Variants in HCRTR2 observed in about 807,000 individuals in gnomAD.
HCRTR2 encodes the protein orexin receptor type 2.
In HCRTR2, 22 loss-of-function variants were observed where a neutral mutation model predicts 49.0. That is an observed-to-expected ratio of 0.45 (90% CI 0.32 to 0.64). The LOEUF (loss-of-function observed/expected upper bound fraction) is 0.64. HCRTR2 is among the 30% of genes least tolerant of loss of function. HCRTR2 has a pLI of 0.04. For missense variants in HCRTR2, 491 were observed against 559.4 expected (o/e 0.88, Z 1.23); for synonymous variants, 236 against 205.3 (o/e 1.15, Z -1.28).
intron 2 of HCRTR2, among the ~76,000 whole-genome samples, chr6:55,252,806 A>G (rs1766577337): frequency 1.3e-5 from 2 of 152,092 alleles, no homozygotes; most frequent in African/African-American, 4.8e-5. Context: ...CTGAAAAGCA[A>G]TCTGTTCCAA....
intron 1 of HCRTR2, among the ~76,000 whole-genome samples, chr6:55,198,624 T>C (rs1323783391): frequency 6.6e-6 from 1 of 152,204 alleles, no homozygotes; most frequent in Non-Finnish European, 1.5e-5. Context: ...GGATAATGAA[T>C]CAGAAAATAG....
chr6:55,162,050 T>A (rs950393233), intron 1 of HCRTR2, among the ~76,000 whole-genome samples: 1 of 151,860 alleles, frequency 6.6e-6, no homozygotes, highest in Non-Finnish European at 1.5e-5. Context: ...AATTTCAGGC[T>A]AATATATCCC....
At chr6:55,231,555 T>G (rs1439037730) in intron 1 of HCRTR2, among the ~76,000 whole-genome samples, 1 of 152,136 alleles carries the variant, frequency 6.6e-6, no homozygotes, top group Admixed American at 6.6e-5. Context: ...AAAGTAAAAA[T>G]CTGCTTTGTG....
In HCRTR2 at chr6:55,221,542, G is replaced by A. The variant is rs150713458; in HGVS notation, c.224-27097G>A. 7.0e-3 allele frequency among the ~76,000 whole-genome samples: 1,069 copies of A among 152,234 alleles called. 11 individuals carry two copies. The highest frequency in any genetic ancestry group is 0.022 in the African/African-American group (902 of 41,552). On this transcript the variant is annotated intron_variant, in intron 1 of 6. Coordinates refer to ENST00000370862, the MANE Select transcript of HCRTR2 (RefSeq NM_001384272.1). ...AAAATTAAAGATCTGGGCCGGGCGT[G>A]GTGGCTCACGCCTGTAATCCCAGCA...
At chr6:55,120,535 A>T (rs903478664) in intron 1 of HCRTR2, among the ~76,000 whole-genome samples, 2 of 151,108 alleles carry the variant, frequency 1.3e-5, no homozygotes, top group Admixed American at 6.6e-5. Flanking sequence ...ATGGGAGTTC[A>T]CTCATGATTT....
intron 6 of HCRTR2, among the ~76,000 whole-genome samples, chr6:55,281,867 T>C (rs987026400): frequency 2.0e-4 from 30 of 152,200 alleles, no homozygotes; most frequent in African/African-American, 6.3e-4. Flanking sequence ...AGTTTCATTG[T>C]GTTTAATTAT....
At chr6:55,187,156 C>T (rs766382765) in intron 1 of HCRTR2, among the ~76,000 whole-genome samples, 3 of 151,816 alleles carry the variant, frequency 2.0e-5, no homozygotes, top group Non-Finnish European at 4.4e-5. Flanking sequence ...CCTGTAATCC[C>T]AGCACTTTGG....
intron 1 of HCRTR2, among the ~76,000 whole-genome samples, chr6:55,164,554 C>G (rs571925897): frequency 6.6e-6 from 1 of 152,120 alleles, no homozygotes; most frequent in Non-Finnish European, 1.5e-5. Context: ...TATTCTCACT[C>G]ATAAGTGGGA....
intron 1 of HCRTR2, among the ~76,000 whole-genome samples, chr6:55,121,954 G>T (rs959637272): frequency 6.6e-6 from 1 of 152,110 alleles, no homozygotes; most frequent in Admixed American, 6.6e-5. Flanking sequence ...CCAAGTTTTG[G>T]TATCAGGATG....
chr6:55,218,832 TC>T (rs1263342856), intron 1 of HCRTR2, among the ~76,000 whole-genome samples: 1 of 152,174 alleles, frequency 6.6e-6, no homozygotes, highest in Non-Finnish European at 1.5e-5. Context: ...TTCTCAGCTT[TC>T]TTTTTCTAGA....
chr6:55,173,701 A>G (rs997702587), upstream of HCRTR2, among the ~76,000 whole-genome samples: 1 of 152,202 alleles, frequency 6.6e-6, no homozygotes, highest in Non-Finnish European at 1.5e-5. Flanking sequence ...AACTATGATC[A>G]TATTTATGAC....
chr6:55,138,405 G>T (rs1490561315), intron 1 of HCRTR2, among the ~76,000 whole-genome samples: 3 of 152,154 alleles, frequency 2.0e-5, no homozygotes, highest in African/African-American at 7.2e-5. Context: ...TCAAATTAAT[G>T]AATAACTTGG....
intron 1 of HCRTR2, among the ~76,000 whole-genome samples, chr6:55,184,563 A>C (rs998718984): frequency 4.6e-5 from 7 of 152,204 alleles, no homozygotes; most frequent in Admixed American, 1.3e-4. Flanking sequence ...AATTTATTTT[A>C]AATGACATGT....
rs148017829 is a variant in HCRTR2, at chr6:55,109,302, CA to C, written c.-378+2761del. Among the ~76,000 whole-genome samples, 159 of 152,208 alleles carry C rather than the reference CA, an allele frequency of 1.0e-3. 1 individual carries two copies. In the East Asian group the frequency reaches 0.022, roughly 21 times the overall value. On this transcript the variant is annotated intron_variant, in intron 1 of 7. Transcript: ENST00000615358. ...CAGAAAAACAATTCCTGTGCTATGA[CA>C]AAACAAGGTTCTTTAACAACCCCAG...
intron 1 of HCRTR2, among the ~76,000 whole-genome samples, chr6:55,229,870 G>A (rs1766081490): frequency 6.6e-6 from 1 of 152,170 alleles, no homozygotes; most frequent in South Asian, 2.1e-4. Flanking sequence ...CATTTATCAA[G>A]AGAGGAGATG....
chr6:55,134,205 TTC>T (rs1561982494), intron 1 of HCRTR2, among the ~76,000 whole-genome samples: 1 of 144,268 alleles, frequency 6.9e-6, no homozygotes. Context: ...AGACTGATTA[TTC>T]TGTTTTTGTT....
At chr6:55,123,933 CT>C (rs1230200584) in intron 1 of HCRTR2, among the ~76,000 whole-genome samples, 1 of 152,116 alleles carries the variant, frequency 6.6e-6, no homozygotes, top group African/African-American at 2.4e-5. Flanking sequence ...ATAGTATTCT[CT>C]GATGGTAGTT....
chr6:55,224,822 T>C (rs1366891797), intron 1 of HCRTR2, among the ~76,000 whole-genome samples: 1 of 152,076 alleles, frequency 6.6e-6, no homozygotes, highest in Admixed American at 6.6e-5. Flanking sequence ...CATGGAAATA[T>C]AGAGTAGAAT....
upstream of HCRTR2, among the ~76,000 whole-genome samples, chr6:55,172,029 A>G (rs1319813004): frequency 6.6e-6 from 1 of 152,210 alleles, no homozygotes; most frequent in Non-Finnish European, 1.5e-5. Context: ...TCAGAGGAAG[A>G]CATCGTGCCA....
Sources: gnomAD v4.1 joint callset for allele counts (sites outside exome capture counted in the v4.1 genomes callset) on GRCh38, gnomAD v4.1.1 for gene constraint, MANE v1.5 for transcripts, NCBI Gene and HGNC (gene_info 2026-07-23, HGNC 2026-07-21) for gene names.